Variants in TG observed in about 807,000 individuals in gnomAD.
TG encodes thyroid hormones.
A neutral mutation model predicts 324.7 loss-of-function variants in TG; 270 were observed. The observed-to-expected ratio is 0.83, with a 90% CI of 0.75 to 0.92. The LOEUF (loss-of-function observed/expected upper bound fraction) is 0.92, where lower values mean the gene tolerates loss of function less well. Among genes scored for constraint, TG ranks in the 40% least tolerant of loss-of-function variants. The probability of loss-of-function intolerance (pLI) is 0.00; values close to 1 mark genes in which losing one functional copy is unlikely to be tolerated. For missense variants in TG, 3,591 were observed against 3,456.4 expected (o/e 1.04, Z -0.98); for synonymous variants, 1,401 against 1,327.0 (o/e 1.06, Z -1.21).
chr8:132,888,279 G>A lies in TG; in HGVS notation c.2472G>A (p.Leu824=), dbSNP rs751778496. The A allele has an allele frequency of 4.6e-5, 74 of 1,614,078 alleles. No individual in the cohort carries two copies. Among genetic ancestry groups the A allele is most frequent in the Non-Finnish European group, 6.1e-5 (72 of 1,180,042 alleles). The change falls in exon 10 of 48, where the codon CTG becomes CTA. Residue 824 remains leucine, a synonymous_variant. Coordinates refer to ENST00000220616, the MANE Select transcript of TG (RefSeq NM_003235.5). ...ACTTCAGTCTCTTTATTCAAAGTCT[G>A]TATGAGGCTGGCCAGCAAGATGTCT... ...SGNFSLFIQS[L]YEAGQQDVFP...
intron 41 of TG, among the ~76,000 whole-genome samples, chr8:133,068,735 G>T (rs1337483374): frequency 6.6e-6 from 1 of 152,214 alleles, no homozygotes; most frequent in Non-Finnish European, 1.5e-5. Context: ...ACGGAGGCGG[G>T]CAGCAGAAGC....
chr8:132,986,485 G>A (rs1053107920), intron 35 of TG, among the ~76,000 whole-genome samples: 5 of 151,808 alleles, frequency 3.3e-5, no homozygotes, highest in Admixed American at 2.0e-4. Context: ...ATGTATATAC[G>A]TAGTGACTCA....
intron 26 of TG, among the ~76,000 whole-genome samples, chr8:132,945,071 G>A (rs1825041752): frequency 6.6e-6 from 1 of 152,192 alleles, no homozygotes; most frequent in Non-Finnish European, 1.5e-5. Context: ...AATAACGACT[G>A]GAAGCCACTG....
At chr8:133,092,653 C>T (rs1847749049) in intron 41 of TG, among the ~76,000 whole-genome samples, 1 of 152,218 alleles carries the variant, frequency 6.6e-6, no homozygotes, top group Admixed American at 6.5e-5. Context: ...CTTGCCCAAG[C>T]CCACTTCATC....
intron 1 of TG, 22 bp from the exon 2 acceptor site, chr8:132,868,093 T>C: frequency 6.2e-7 from 1 of 1,611,832 alleles, no homozygotes. Flanking sequence ...TCTTCTTTGA[T>C]GAACCACTTT....
chr8:133,095,171 A>G lies in TG; in HGVS notation c.7367A>G (p.Gln2456Arg), dbSNP rs149102678. 42 of 1,614,234 alleles carry G rather than the reference A, an allele frequency of 2.6e-5. No individual in the cohort carries two copies. Among genetic ancestry groups the G allele is most frequent in the African/African-American group, 2.4e-4 (18 of 75,060 alleles). Residue 2456 changes from glutamine to arginine, a missense_variant, in exon 42 of 48, where the codon CAG becomes CGG. Physicochemically the swap from Gln to Arg is conservative, Grantham distance 43. Transcript: ENST00000220616. ...SSQEVVSCLR[Q>R]KPANVLNDAQ... ...CAAGAAGTGGTGTCCTGCCTCCGCC[A>G]GAAGCCTGCCAATGTCCTCAATGAT...
intron 44 of TG, among the ~76,000 whole-genome samples, chr8:133,114,304 A>G (rs1252719155): frequency 1.3e-5 from 2 of 152,082 alleles, no homozygotes; most frequent in Non-Finnish European, 2.9e-5. Context: ...CACTTGGGGA[A>G]GGCTGCCAAA....
At chr8:133,121,278 G>A (rs1228074203) in intron 45 of TG, among the ~76,000 whole-genome samples, 2 of 152,156 alleles carry the variant, frequency 1.3e-5, no homozygotes, top group Non-Finnish European at 2.9e-5. Flanking sequence ...GGAGAGGTCT[G>A]AAGCACCGAT....
intron 41 of TG, among the ~76,000 whole-genome samples, chr8:133,052,252 G>A (rs780597897): frequency 1.3e-5 from 2 of 152,232 alleles, no homozygotes; most frequent in Non-Finnish European, 2.9e-5. Flanking sequence ...TTGGGCAAAG[G>A]TTATGCTTAT....
chr8:132,956,236 G>T (rs1215150043), intron 27 of TG, among the ~76,000 whole-genome samples: 1 of 152,082 alleles, frequency 6.6e-6, no homozygotes, highest in Non-Finnish European at 1.5e-5. Context: ...TTATTTGGTG[G>T]GCTCTGTGTA....
In TG at chr8:133,113,512, C is replaced by A; in HGVS notation, c.7663C>A (p.Arg2555Ser). 1 of 1,613,998 alleles carries A rather than the reference C, an allele frequency of 6.2e-7. No homozygotes were observed. Among genetic ancestry groups the A allele is most frequent in the Non-Finnish European group, 8.5e-7 (1 of 1,180,004 alleles). ...NSLGGEDSDARVEAAATWYYS... is the reference protein window; with the variant it reads ...NSLGGEDSDASVEAAATWYYS... ...TCTGGGTGGCGAGGACTCAGATGCC[C>A]GCGTCGAGGCTGCTGCTACATGGTA... Residue 2555 changes from arginine to serine, a missense_variant, in exon 44 of 48, where the codon CGC (arginine) becomes AGC (serine). Arg to Ser is a moderately radical substitution (Grantham distance 110). Coordinates refer to ENST00000220616, the MANE Select transcript of TG (RefSeq NM_003235.5).
intron 27 of TG, among the ~76,000 whole-genome samples, chr8:132,958,039 T>G (rs1827187868): frequency 6.6e-6 from 1 of 152,192 alleles, no homozygotes; most frequent in Non-Finnish European, 1.5e-5. Flanking sequence ...ACATCTGATG[T>G]TTGGTTTTTC....
rs375087138 is a variant in TG at position 133,047,826 on chromosome 8, T to C, written c.7239+17803T>C. On this transcript the variant is annotated intron_variant, in intron 41 of 47. Coordinates refer to ENST00000220616, the MANE Select transcript of TG (RefSeq NM_003235.5). ...TGGGGAAAGATGAGTTGGGGGCCAC[T>C]CACCTTTCTTGGTCTCACTCTCTCT... 3.9e-6 allele frequency: 6 copies of C among 1,523,566 alleles called. No homozygotes were observed. In the African/African-American group the frequency reaches 8.2e-5, roughly 21 times the overall value. 94.4% of individuals were successfully genotyped at this position (1,523,566 alleles called of 1,614,324 possible).
Position 132,941,536 on chromosome 8 carries a change from C to T in TG, c.5227C>T (p.Gln1743Ter). Residue 1743 changes from glutamine (Q) to a stop codon, truncating the protein, a stop_gained, in exon 26 of 48, where the codon CAA (glutamine) becomes TAA (stop). Coordinates refer to ENST00000220616, the MANE Select transcript of TG (RefSeq NM_003235.5). LOFTEE classifies it high-confidence loss of function. The part of the protein sequence containing the change: ...CCDGFVLTQV[Q>*]GGAIICGLLS... The stretch of plus-strand genomic sequence containing the variant: ...CGATGGCTTCGTCCTCACACAGGTT[C>T]AAGGAGGTAATGTTGGCAGTGAGGG... The T allele has an allele frequency of 6.2e-7, 1 of 1,614,098 alleles. No homozygotes were observed. Among genetic ancestry groups the T allele is most frequent in the Non-Finnish European group, 8.5e-7 (1 of 1,180,030 alleles).
At chr8:133,106,088 G>C (rs1849777416) in intron 43 of TG, among the ~76,000 whole-genome samples, 1 of 152,106 alleles carries the variant, frequency 6.6e-6, no homozygotes, top group East Asian at 1.9e-4. Flanking sequence ...GTGGGGGTGG[G>C]ACTCATGGAG....
At chr8:132,883,053 G>A (rs993339401) in intron 8 of TG, 54 bp downstream of exon 8, 8 of 1,582,422 alleles carry the variant, frequency 5.1e-6, no homozygotes, top group South Asian at 2.3e-5. Context: ...TTACTTTGGC[G>A]GTCCTCCAGA....
chr8:133,080,346 T>A (rs935276848), intron 41 of TG, among the ~76,000 whole-genome samples: 2 of 152,258 alleles, frequency 1.3e-5, no homozygotes, highest in African/African-American at 4.8e-5. Context: ...AAACTGGCAC[T>A]CATAGGGCTT....
At chr8:132,939,045 C>CAAA (rs36002632) in intron 25 of TG, among the ~76,000 whole-genome samples, 1,178 of 67,698 alleles carry the variant, frequency 0.017, 31 homozygotes, top group African/African-American at 0.062. Flanking sequence ...GCAGGAGTCT[C>CAAA]AAAAAAAAAA....
chr8:133,052,733 A>G (rs1220091240), intron 41 of TG, among the ~76,000 whole-genome samples: 1 of 152,210 alleles, frequency 6.6e-6, no homozygotes, highest in Non-Finnish European at 1.5e-5. Flanking sequence ...TAAGAAAAAA[A>G]TACACAATTG....
Sources: gnomAD v4.1 joint callset for allele counts (sites outside exome capture counted in the v4.1 genomes callset) on GRCh38, gnomAD v4.1.1 for gene constraint, MANE v1.5 for transcripts, NCBI Gene and HGNC (gene_info 2026-07-23, HGNC 2026-07-21) for gene names.